KRAS: variants seen among roughly 807,000 people sequenced by gnomAD.
KRAS encodes the protein GTPase KRas.
A neutral mutation model predicts 21.0 loss-of-function variants in KRAS; 1 was observed. The ratio of observed to expected loss-of-function variants is 0.05; its 90% CI spans 0.02 to 0.23. KRAS has a LOEUF of 0.23. Among genes scored for constraint, KRAS ranks in the 10% least tolerant of loss-of-function variants. KRAS has a pLI of 1.00. For missense variants in KRAS, 107 were observed against 221.8 expected (o/e 0.48, Z 3.29); for synonymous variants, 67 against 72.5 (o/e 0.92, Z 0.39).
intron 2 of KRAS, among the ~76,000 whole-genome samples, chr12:25,243,479 A>G (rs549353965): frequency 6.6e-6 from 1 of 152,328 alleles, no homozygotes; most frequent in Non-Finnish European, 1.5e-5. Context: ...TAAAGGCTTA[A>G]CTGTTAGCTT....
chr12:25,238,934 G>A (rs752338815), intron 2 of KRAS, among the ~76,000 whole-genome samples: 3 of 152,082 alleles, frequency 2.0e-5, no homozygotes, highest in Non-Finnish European at 4.4e-5. Context: ...TGAATTACCT[G>A]GTCAAAGGAC....
intron 1 of KRAS, among the ~76,000 whole-genome samples, chr12:25,246,941 A>G (rs1951691271): frequency 6.6e-6 from 1 of 152,036 alleles, no homozygotes; most frequent in East Asian, 1.9e-4. Flanking sequence ...GCAAGTGAAT[A>G]TATCTCAGTA....
intron 2 of KRAS, among the ~76,000 whole-genome samples, chr12:25,242,052 A>G (rs1427238904): frequency 6.6e-6 from 1 of 152,240 alleles, no homozygotes; most frequent in Non-Finnish European, 1.5e-5. Context: ...AAAAATTAAA[A>G]TAAACCTTGG....
chr12:25,247,338 TGCC>T (rs1485619867), intron 1 of KRAS, among the ~76,000 whole-genome samples: 3 of 152,196 alleles, frequency 2.0e-5, no homozygotes, highest in Non-Finnish European at 4.4e-5. Context: ...TCCTAAGCCC[TGCC>T]GCAAAAAGCA....
At chr12:25,236,168 G>A (rs1417500359) in intron 2 of KRAS, among the ~76,000 whole-genome samples, 2 of 152,026 alleles carry the variant, frequency 1.3e-5, no homozygotes, top group Non-Finnish European at 1.5e-5. Context: ...TCAAGCAGGG[G>A]CCAGCTTACG....
At chr12:25,250,389 C>T (rs1951749796) in intron 1 of KRAS, among the ~76,000 whole-genome samples, 1 of 152,068 alleles carries the variant, frequency 6.6e-6, no homozygotes. Context: ...ACCTCCACCG[C>T]ACCCCACCGC....
chr12:25,222,298 A>G (rs1185526973), intron 4 of KRAS, among the ~76,000 whole-genome samples: 7 of 152,176 alleles, frequency 4.6e-5, no homozygotes, highest in Non-Finnish European at 7.4e-5. Context: ...TAAAATTCCC[A>G]TATTTCATTT....
chr12:25,229,117 T>C (rs1334768433), intron 2 of KRAS, among the ~76,000 whole-genome samples: 2 of 152,116 alleles, frequency 1.3e-5, no homozygotes, highest in East Asian at 1.9e-4. Flanking sequence ...ATGTTATGCA[T>C]ATTTTACCAC....
At chr12:25,223,675 T>C (rs1473820187) in intron 4 of KRAS, among the ~76,000 whole-genome samples, 1 of 152,204 alleles carries the variant, frequency 6.6e-6, no homozygotes, top group Non-Finnish European at 1.5e-5. Flanking sequence ...ACATATGCTC[T>C]CCTACTAGGG....
chr12:25,225,686 G>A lies in KRAS; in HGVS notation c.378C>T (p.Asp126=), dbSNP rs1300504131. ...NKCDLPSRTV[D]TKQAQDLARS... The stretch of plus-strand genomic sequence containing the variant: ...TTGCTAAGTCCTGAGCCTGTTTTGT[G>A]TCTACTGTTCTAGAAGGCAAATCAC... The change falls in exon 4 of 5, where the codon GAC becomes GAT. Residue 126 remains aspartate, a synonymous_variant. Transcript: ENST00000311936. The A allele has an allele frequency of 6.2e-7, 1 of 1,613,202 alleles. No homozygotes were observed. Among genetic ancestry groups the A allele is most frequent in the Admixed American group, 1.7e-5 (1 of 59,986 alleles).
At position 25,209,716 on chromosome 12, in the gene KRAS, CAA is replaced by C; in HGVS notation, c.*77_*78del. ...GGAAAAAAATTAGGTAATGCTAAAA[CAA>C]ATGCTAATAATTTAGTGTAATGTAC... On this transcript the variant is annotated 3_prime_UTR_variant, in exon 5 of 5. Coordinates refer to ENST00000311936, the MANE Select transcript of KRAS (RefSeq NM_004985.5). The C allele has an allele frequency of 6.4e-7, 1 of 1,556,200 alleles. No homozygotes were observed. Among genetic ancestry groups the C allele is most frequent in the Non-Finnish European group, 8.7e-7 (1 of 1,151,572 alleles).
At chr12:25,245,743 CA>C (rs1230682977) in intron 1 of KRAS, among the ~76,000 whole-genome samples, 1 of 152,092 alleles carries the variant, frequency 6.6e-6, no homozygotes, top group African/African-American at 2.4e-5. Context: ...TGACTTCACT[CA>C]TGTAGAGACT....
intron 2 of KRAS, 111 bp downstream of exon 2, chr12:25,245,163 T>C (rs1951661925): frequency 1.7e-6 from 2 of 1,194,420 alleles, no homozygotes; most frequent in Admixed American, 2.0e-5. Context: ...ATAACTTAAC[T>C]TTCAGCATAA....
chr12:25,243,325 AGGTGACTAAACTACGTCAG>A (rs1389235362), intron 2 of KRAS, among the ~76,000 whole-genome samples: 1 of 152,222 alleles, frequency 6.6e-6, no homozygotes, highest in Admixed American at 6.5e-5. Flanking sequence ...ACCTTTTCCC[AGGTGACTAAACTACGTCAG>A]GGACCGTCAG....
chr12:25,237,691 G>A (rs1188511901), intron 2 of KRAS, among the ~76,000 whole-genome samples: 2 of 152,184 alleles, frequency 1.3e-5, no homozygotes, highest in Admixed American at 6.5e-5. Context: ...TCCTTCAGCT[G>A]TGAAAGTAGG....
chr12:25,240,583 T>G (rs563274548), intron 2 of KRAS, among the ~76,000 whole-genome samples: 2 of 152,192 alleles, frequency 1.3e-5, no homozygotes, highest in Non-Finnish European at 2.9e-5. Flanking sequence ...TGCGCCTCAG[T>G]GTATCTCTAG....
chr12:25,234,827 C>T (rs1951524068), intron 2 of KRAS: 1 of 209,746 alleles, frequency 4.8e-6, no homozygotes, highest in African/African-American at 2.3e-5. Flanking sequence ...TTTTCCAACT[C>T]AGGCAGTGAC....
At chr12:25,241,891 A>C (rs1011998274) in intron 2 of KRAS, among the ~76,000 whole-genome samples, 1 of 152,240 alleles carries the variant, frequency 6.6e-6, no homozygotes, top group Non-Finnish European at 1.5e-5. Flanking sequence ...GTATAAACTC[A>C]GAAGAATAGC....
intron 4 of KRAS, among the ~76,000 whole-genome samples, chr12:25,223,054 T>A (rs1951348021): frequency 6.6e-6 from 1 of 152,204 alleles, no homozygotes; most frequent in Non-Finnish European, 1.5e-5. Flanking sequence ...AATCTGGATT[T>A]TAATAAGCCC....
Sources: allele counts gnomAD v4.1 joint callset (sites outside exome capture counted in the v4.1 genomes callset), GRCh38; gene constraint gnomAD v4.1.1; transcripts MANE v1.5; gene names NCBI Gene and HGNC (gene_info 2026-07-23, HGNC 2026-07-21).